PINX1: variants seen among roughly 807,000 people sequenced by gnomAD.
PINX1 encodes PIN2/TERF1-interacting telomerase inhibitor 1.
A neutral mutation model predicts 25.4 loss-of-function variants in PINX1; 34 were observed. The observed-to-expected ratio is 1.34, with a 90% CI of 1.02 to 1.78. The LOEUF is 1.78. Ranked by LOEUF, PINX1 falls within the 40% of genes most tolerant of loss-of-function variation. PINX1 has a pLI of 0.00. For missense variants in PINX1, 592 were observed against 404.9 expected, an observed-to-expected ratio of 1.46 and a Z score of -3.97; for synonymous variants, 197 against 147.7, an observed-to-expected ratio of 1.33 and a Z score of -2.42.
intron 5 of PINX1, among the ~76,000 whole-genome samples, chr8:10,823,428 T>C (rs1451244251): frequency 2.6e-5 from 4 of 152,020 alleles, no homozygotes; most frequent in African/African-American, 9.7e-5. Context: ...CGTCTCACCA[T>C]CCAGTCAGAA....
At chr8:10,769,616 A>C (rs895989327) in intron 6 of PINX1, among the ~76,000 whole-genome samples, 16 of 152,354 alleles carry the variant, frequency 1.1e-4, no homozygotes, top group African/African-American at 3.8e-4. Context: ...CGTGCCAGGC[A>C]CTTGACATCA....
chr8:10,785,197 CA>C (rs1350143810), intron 6 of PINX1, among the ~76,000 whole-genome samples: 7 of 152,300 alleles, frequency 4.6e-5, no homozygotes, highest in African/African-American at 1.2e-4. Context: ...AATTTAAAGA[CA>C]GATAAGCATC....
intron 5 of PINX1, among the ~76,000 whole-genome samples, chr8:10,820,659 T>C (rs1586194123): frequency 6.6e-6 from 1 of 152,080 alleles, no homozygotes; most frequent in African/African-American, 2.4e-5. Context: ...GCTACTTACT[T>C]AGAAGATTAC....
chr8:10,823,793 G>A (rs1186116030), intron 5 of PINX1, among the ~76,000 whole-genome samples: 1 of 152,112 alleles, frequency 6.6e-6, no homozygotes, highest in African/African-American at 2.4e-5. Flanking sequence ...GTTCCTCTGT[G>A]CTCCAGCCTG....
At chr8:10,820,296 G>T (rs368049075) in intron 5 of PINX1, 27 bp from the exon 6 acceptor site, 2 of 1,488,218 alleles carry the variant, frequency 1.3e-6, no homozygotes, top group Non-Finnish European at 1.9e-6. Flanking sequence ...ATGCTTTTCA[G>T]TAAGACTGTT....
At chr8:10,800,119 T>C (rs1802219600) in intron 6 of PINX1, among the ~76,000 whole-genome samples, 2 of 152,320 alleles carry the variant, frequency 1.3e-5, no homozygotes, top group African/African-American at 2.4e-5. Flanking sequence ...TCAGTTTTGA[T>C]GGAAATAACA....
intron 6 of PINX1, among the ~76,000 whole-genome samples, chr8:10,817,604 C>G (rs552080492): frequency 1.3e-5 from 2 of 152,312 alleles, no homozygotes; most frequent in South Asian, 4.1e-4. Flanking sequence ...GTTTTCTGCA[C>G]ACATGCAGGC....
intron 4 of PINX1, among the ~76,000 whole-genome samples, chr8:10,831,328 T>A (rs1042247443): frequency 6.6e-6 from 1 of 152,224 alleles, no homozygotes; most frequent in Non-Finnish European, 1.5e-5. Context: ...CTAATGGATA[T>A]AAAAGTCCCA....
chr8:10,832,707 G>A (rs1456252780), intron 3 of PINX1, among the ~76,000 whole-genome samples, 185 bp downstream of exon 3: 1 of 152,158 alleles, frequency 6.6e-6, no homozygotes, highest in Non-Finnish European at 1.5e-5. Context: ...AAAATAAAAA[G>A]CGCGGTAGGC....
At chr8:10,825,313 A>C in intron 5 of PINX1, 8 of 534,512 alleles carry the variant, frequency 1.5e-5, no homozygotes, top group South Asian at 1.1e-4. Context: ...TGTTCCTGGC[A>C]TATCAAGGTA....
At position 10,765,294 on chromosome 8, in the gene PINX1, G is replaced by T; in HGVS notation, c.*107C>A. On this transcript the variant is annotated 3_prime_UTR_variant, in exon 7 of 7. Transcript: ENST00000314787. ...GCAGCCCATGGGCATGCCACAAGAT[G>T]CGCCCAGGCGCTCTGGGGTGAACTC... The T allele has an allele frequency of 9.3e-7, 1 of 1,079,426 alleles. No homozygotes were observed. The highest frequency in any genetic ancestry group is 1.3e-6 in the Non-Finnish European group (1 of 775,082). The allele number at this position is 1,079,426 out of a possible 1,614,324, so 66.9% of individuals were successfully genotyped here. A position where few individuals can be genotyped will look rare whatever the true frequency, so the allele number is the denominator to read the frequency against.
chr8:10,801,053 T>C (rs529524890), intron 6 of PINX1, among the ~76,000 whole-genome samples: 1 of 152,320 alleles, frequency 6.6e-6, no homozygotes, highest in South Asian at 2.1e-4. Context: ...AGAAGCTCTA[T>C]ATTTTATCAT....
intron 4 of PINX1, among the ~76,000 whole-genome samples, chr8:10,829,323 A>T (rs1798154140): frequency 6.6e-6 from 1 of 151,112 alleles, no homozygotes; most frequent in African/African-American, 2.4e-5. Flanking sequence ...AGAAAATAAA[A>T]CCCTAGATTC....
chr8:10,805,059 A>C (rs993319648), intron 6 of PINX1, among the ~76,000 whole-genome samples: 23 of 152,184 alleles, frequency 1.5e-4, no homozygotes, highest in Admixed American at 1.3e-3. Context: ...AGTTTCCACT[A>C]ATCTTTCCCA....
chr8:10,770,154 A>C (rs1801179207), intron 6 of PINX1, among the ~76,000 whole-genome samples: 1 of 152,250 alleles, frequency 6.6e-6, no homozygotes. Context: ...CCAGGCAAGA[A>C]GCCCTCTTGG....
intron 6 of PINX1, among the ~76,000 whole-genome samples, chr8:10,792,630 T>C (rs1362788506): frequency 1.3e-5 from 2 of 152,150 alleles, no homozygotes; most frequent in Non-Finnish European, 2.9e-5. Flanking sequence ...CATGAAAGGC[T>C]TGCAGATGGT....
intron 6 of PINX1, among the ~76,000 whole-genome samples, chr8:10,777,440 C>T (rs931031644): frequency 2.0e-5 from 3 of 152,276 alleles, no homozygotes; most frequent in East Asian, 1.9e-4. Flanking sequence ...TGTGCTAGAG[C>T]GAGATAAGAC....
At chr8:10,816,132 C>T (rs1046603617) in intron 6 of PINX1, among the ~76,000 whole-genome samples, 1 of 152,122 alleles carries the variant, frequency 6.6e-6, no homozygotes, top group Non-Finnish European at 1.5e-5. Context: ...TGAAATAGTT[C>T]AGGATCTTCA....
rs995536505 is a variant in PINX1, at chr8:10,791,805, G to A, written c.472-25889C>T. ...CGGCAACCTCTCTCCAGCACTGCGC[G>A]AGGCAAAGGACTTGCATTTGGCCTG... On this transcript the variant is annotated intron_variant, in intron 6 of 6. Coordinates refer to ENST00000314787, the MANE Select transcript of PINX1 (RefSeq NM_017884.6). 2.0e-5 allele frequency among the ~76,000 whole-genome samples: 3 copies of A among 152,160 alleles called. No individual in the cohort carries two copies. In the South Asian group the frequency reaches 6.2e-4, roughly 31 times the overall value.
Sources: gnomAD v4.1 joint callset for allele counts (sites outside exome capture counted in the v4.1 genomes callset) on GRCh38, gnomAD v4.1.1 for gene constraint, MANE v1.5 for transcripts, NCBI Gene and HGNC (gene_info 2026-07-23, HGNC 2026-07-21) for gene names.